Variants in CNTNAP2 observed in about 807,000 individuals in gnomAD.
CNTNAP2 encodes contactin associated protein 2, also known as contactin-associated protein-like 2.
In CNTNAP2, 98 loss-of-function variants were observed where a neutral mutation model predicts 155.2. The observed-to-expected ratio is 0.63, with a 90% CI of 0.54 to 0.75. The LOEUF is 0.75. CNTNAP2 is among the 30% of genes least tolerant of loss of function. The pLI is 0.00. For missense variants in CNTNAP2, 1,727 were observed against 1,688.1 expected, an observed-to-expected ratio of 1.02 and a Z score of -0.40; for synonymous variants, 651 against 631.2, an observed-to-expected ratio of 1.03 and a Z score of -0.47.
At chr7:146,660,516 A>C (rs1006579273) in intron 1 of CNTNAP2, among the ~76,000 whole-genome samples, 1 of 152,222 alleles carries the variant, frequency 6.6e-6, no homozygotes, top group African/African-American at 2.4e-5. Flanking sequence ...CAAAATTAAA[A>C]GAGGTAATGT....
intron 1 of CNTNAP2, among the ~76,000 whole-genome samples, chr7:146,564,009 C>G (rs1370247673): frequency 6.6e-6 from 1 of 152,116 alleles, no homozygotes; most frequent in Non-Finnish European, 1.5e-5. Context: ...ATGTATAAGT[C>G]AAATACCCAT....
intron 1 of CNTNAP2, among the ~76,000 whole-genome samples, chr7:146,397,364 A>G (rs1008897628): frequency 6.6e-6 from 1 of 152,230 alleles, no homozygotes; most frequent in Non-Finnish European, 1.5e-5. Context: ...TGCTGTAGTT[A>G]CATGCCATTC....
intron 9 of CNTNAP2, among the ~76,000 whole-genome samples, chr7:147,377,009 T>C (rs1255204596): frequency 2.0e-5 from 3 of 151,984 alleles, no homozygotes; most frequent in African/African-American, 7.2e-5. Context: ...GACATGCTTC[T>C]CAGAAATAGT....
chr7:147,456,597 G>C (rs150096105), intron 10 of CNTNAP2, among the ~76,000 whole-genome samples: 13 of 152,056 alleles, frequency 8.5e-5, no homozygotes, highest in African/African-American at 3.1e-4. Flanking sequence ...AAAGGAAAGA[G>C]GAAACATCTC....
At chr7:146,910,841 A>C (rs930527164) in intron 3 of CNTNAP2, among the ~76,000 whole-genome samples, 8 of 150,046 alleles carry the variant, frequency 5.3e-5, no homozygotes, top group Admixed American at 2.0e-4. Context: ...TGCACAGCAA[A>C]AGAAACTACC....
chr7:147,322,261 G>A (rs375702536), intron 9 of CNTNAP2, among the ~76,000 whole-genome samples: 53 of 152,260 alleles, frequency 3.5e-4, no homozygotes, highest in African/African-American at 1.0e-3. Flanking sequence ...AGGGATATTG[G>A]ATAACCAAAT....
intron 10 of CNTNAP2, among the ~76,000 whole-genome samples, chr7:147,404,154 G>A (rs929506980): frequency 1.3e-5 from 2 of 152,108 alleles, no homozygotes; most frequent in Non-Finnish European, 2.9e-5. Flanking sequence ...AGGTAAAGGG[G>A]GCAGAAAGTC....
intron 15 of CNTNAP2, among the ~76,000 whole-genome samples, chr7:148,086,189 G>T (rs947322870): frequency 6.6e-6 from 1 of 152,178 alleles, no homozygotes; most frequent in African/African-American, 2.4e-5. Flanking sequence ...ATAATTGATA[G>T]TTATGATAAT....
At chr7:146,286,431 T>C (rs1800338361) in intron 1 of CNTNAP2, among the ~76,000 whole-genome samples, 1 of 152,172 alleles carries the variant, frequency 6.6e-6, no homozygotes, top group Non-Finnish European at 1.5e-5. Context: ...TTAGTCACAC[T>C]AAGTCTTTGC....
intron 1 of CNTNAP2, among the ~76,000 whole-genome samples, chr7:146,701,664 TAC>T (rs141030695): frequency 1.9e-4 from 29 of 151,036 alleles, no homozygotes; most frequent in Non-Finnish European, 2.8e-4. Context: ...TTTTTGTATA[TAC>T]ACACACACAC....
chr7:146,873,614 C>G (rs1194300159), intron 3 of CNTNAP2, among the ~76,000 whole-genome samples: 1 of 151,844 alleles, frequency 6.6e-6, no homozygotes, highest in Non-Finnish European at 1.5e-5. Flanking sequence ...GCAAGTGGGT[C>G]AAGGGAATGA....
At chr7:148,040,102 T>G (rs537966072) in intron 15 of CNTNAP2, among the ~76,000 whole-genome samples, 1 of 152,364 alleles carries the variant, frequency 6.6e-6, no homozygotes, top group African/African-American at 2.4e-5. Flanking sequence ...GGTTTTCACC[T>G]ACTTAAAATT....
chr7:147,729,300 G>T (rs559176936), intron 13 of CNTNAP2, among the ~76,000 whole-genome samples: 1 of 151,888 alleles, frequency 6.6e-6, no homozygotes, highest in African/African-American at 2.4e-5. Context: ...GACATTTATT[G>T]AGCACCTACT....
intron 1 of CNTNAP2, among the ~76,000 whole-genome samples, chr7:146,672,620 A>G (rs1188053635): frequency 2.6e-5 from 4 of 152,202 alleles, no homozygotes; most frequent in African/African-American, 9.6e-5. Flanking sequence ...AAACTGTGTC[A>G]CTAATATTGT....
chr7:148,288,032 G>A (rs528050748), intron 21 of CNTNAP2, among the ~76,000 whole-genome samples: 160 of 148,900 alleles, frequency 1.1e-3, no homozygotes, highest in African/African-American at 3.7e-3. Context: ...CTTCGTGATC[G>A]GCCCGCCTTG....
chr7:147,518,956 G>A (rs1387291197), intron 11 of CNTNAP2, among the ~76,000 whole-genome samples: 2 of 85,236 alleles, frequency 2.3e-5, no homozygotes, highest in African/African-American at 6.0e-5. Context: ...GCTTGAACCC[G>A]GGAGGCGGAG....
chr7:147,927,046 A>G (rs924084733), intron 14 of CNTNAP2, among the ~76,000 whole-genome samples: 3 of 152,232 alleles, frequency 2.0e-5, no homozygotes, highest in Non-Finnish European at 4.4e-5. Flanking sequence ...ATCACCACAA[A>G]TTTTTAATAT....
intron 13 of CNTNAP2, among the ~76,000 whole-genome samples, chr7:147,880,567 C>T (rs779986360): frequency 3.3e-5 from 5 of 150,356 alleles, no homozygotes; most frequent in Admixed American, 1.3e-4. Context: ...CATAGAAAGA[C>T]GGGACTTGGA....
chr7:146,341,115 A>G (rs979104967), intron 1 of CNTNAP2, among the ~76,000 whole-genome samples: 2 of 152,142 alleles, frequency 1.3e-5, no homozygotes, highest in African/African-American at 4.8e-5. Flanking sequence ...TTTTGTTTAA[A>G]CATTTTGATA....
Sources: allele counts gnomAD v4.1 joint callset (sites outside exome capture counted in the v4.1 genomes callset), GRCh38; gene constraint gnomAD v4.1.1; transcripts MANE v1.5; gene names NCBI Gene and HGNC (gene_info 2026-07-23, HGNC 2026-07-21).